Variants in PROSER1 observed in about 807,000 individuals in gnomAD.
The protein encoded by PROSER1 is proline and serine-rich protein 1.
In PROSER1, 36 loss-of-function variants were observed where a neutral mutation model predicts 71.8. The ratio of observed to expected loss-of-function variants is 0.50; its 90% CI spans 0.38 to 0.66. The LOEUF (loss-of-function observed/expected upper bound fraction) is 0.66, where lower values mean the gene tolerates loss of function less well. Ranked by LOEUF, PROSER1 falls within the 30% of genes least tolerant of loss-of-function variation. PROSER1 has a pLI of 0.00. For missense variants in PROSER1, 1,107 were observed against 1,135.0 expected, an observed-to-expected ratio of 0.98 and a Z score of 0.35; for synonymous variants, 490 against 452.4, an observed-to-expected ratio of 1.08 and a Z score of -1.06.
chr13:39,011,951 A>T, intron 12 of PROSER1, 132 bp downstream of exon 12: 7 of 945,436 alleles, frequency 7.4e-6, no homozygotes, highest in South Asian at 5.4e-5. Flanking sequence ...AATCATCATC[A>T]AATCTCTATG....
intron 10 of PROSER1, among the ~76,000 whole-genome samples, chr13:39,016,164 T>TA (rs898806505): frequency 3.3e-5 from 5 of 151,976 alleles, no homozygotes; most frequent in African/African-American, 9.7e-5. Flanking sequence ...CGAACAAAAA[T>TA]AAAAAAAATC....
chr13:39,022,322 T>A lies in PROSER1; in HGVS notation c.730+4A>T, dbSNP rs1870330305. On this transcript the variant is annotated splice_donor_region_variant and intron_variant, in intron 9 of 12. Transcript: ENST00000352251. ...TACTTAAACACCCCCAAATAACATT[T>A]TACCTGTTCCTACAGGATTAGGAGT... is the stretch of plus-strand genomic sequence containing the variant. 6.3e-7 allele frequency: 1 copy of A among 1,591,952 alleles called. No individual in the cohort carries two copies. Among genetic ancestry groups the A allele is most frequent in the Admixed American group, 1.7e-5 (1 of 59,954 alleles).
rs765865963 is a variant in PROSER1, at chr13:39,026,390, G to A, written c.370-3C>T. 1.2e-5 allele frequency: 19 copies of A among 1,594,320 alleles called. No homozygotes were observed. The highest frequency in any genetic ancestry group is 3.4e-5 in the Admixed American group (2 of 58,098). On this transcript the variant is annotated splice_polypyrimidine_tract_variant and splice_region_variant and intron_variant, in intron 5 of 12. Transcript: ENST00000352251. ...GCTTTGCAGCCCCCCTTGAAAGCCTGTAATATAAGAAAGAAGAGGGGTAGG... is the reference window on the plus strand; with the variant it reads ...GCTTTGCAGCCCCCCTTGAAAGCCTATAATATAAGAAAGAAGAGGGGTAGG...
chr13:39,020,279 A>T (rs1870228189), intron 9 of PROSER1, among the ~76,000 whole-genome samples: 1 of 152,146 alleles, frequency 6.6e-6, no homozygotes, highest in African/African-American at 2.4e-5. Context: ...TTGACGTGAT[A>T]TAAAGATATA....
chr13:39,014,236 G>A lies in PROSER1; in HGVS notation c.1016C>T (p.Thr339Ile). ...AACAGGTGCAGTGGGCAATGAAGGG[G>A]TTCTGATAACTGTTGGGTTTGGTAT... The part of the protein sequence containing the change: ...PSIPNPTVIR[T>I]PSLPTAPVTS... The change falls in exon 11 of 13, where the codon ACC (threonine) becomes ATC (isoleucine). Residue 339 changes from threonine to isoleucine, a missense_variant. Physicochemically the swap from Thr to Ile is moderately conservative, Grantham distance 89. Transcript: ENST00000352251. 2 of 1,614,162 alleles carry A rather than the reference G, an allele frequency of 1.2e-6. No homozygotes were observed. The highest frequency in any genetic ancestry group is 1.1e-5 in the South Asian group (1 of 91,080).
chr13:39,023,179 G>T, intron 7 of PROSER1, 49 bp from the exon 8 acceptor site: 1 of 1,396,896 alleles, frequency 7.2e-7, no homozygotes, highest in Non-Finnish European at 1.0e-6. Flanking sequence ...CAAGTAAGCT[G>T]TCTCCTGGCA....
intron 5 of PROSER1, 137 bp from the exon 6 acceptor site, chr13:39,026,524 T>C: frequency 1.9e-6 from 1 of 522,822 alleles, no homozygotes; most frequent in South Asian, 3.1e-5. Context: ...ATTCAGCACT[T>C]ACAGTGGTGA....
Position 39,013,494 on chromosome 13 carries a change from G to A in PROSER1, c.1758C>T (p.His586=). 3.1e-6 allele frequency: 5 copies of A among 1,614,120 alleles called. No individual in the cohort carries two copies. Among genetic ancestry groups the A allele is most frequent in the South Asian group, 1.1e-5 (1 of 91,076 alleles). Residue 586 remains histidine, a synonymous_variant, in exon 11 of 13, where the codon CAC becomes CAT. Transcript: ENST00000352251. The stretch of plus-strand genomic sequence containing the variant: ...AAATATGCAGATCTGAGGTACCTGG[G>A]TGGGGGCCACGCAAAAGGGAGGCTG... ...GSSASLLRGP[H]PGTSDLHISS... is the part of the protein sequence containing the mutation.
rs775921403 is a variant in PROSER1 at position 39,012,765 on chromosome 13, G to A, written c.2487C>T (p.Ser829=). 1.4e-5 allele frequency: 23 copies of A among 1,613,816 alleles called. No homozygotes were observed. The highest frequency in any genetic ancestry group is 1.9e-5 in the Non-Finnish European group (23 of 1,179,888). ...CGAATCCTGGGAGGACTGGAGCTGG[G>A]GATGGGGCTGTGGCAGCCACAGGTA... ...TPLPVAATAP[S]PAPVLPGFAS... is the part of the protein sequence containing the mutation. The change falls in exon 11 of 13, where the codon TCC becomes TCT. Residue 829 remains serine, a synonymous_variant. Transcript: ENST00000352251.
At chr13:39,028,159 G>C in intron 5 of PROSER1, 68 bp downstream of exon 5, 1 of 787,294 alleles carries the variant, frequency 1.3e-6, no homozygotes. Context: ...AAGAAGAAAG[G>C]TGCTTTTTCG....
intron 6 of PROSER1, among the ~76,000 whole-genome samples, chr13:39,025,899 A>G (rs1237316364): frequency 6.6e-6 from 1 of 152,192 alleles, no homozygotes; most frequent in Non-Finnish European, 1.5e-5. Flanking sequence ...TTTTTATAGT[A>G]CTTCTCAGAG....
chr13:39,015,724 A>T (rs370006652), intron 10 of PROSER1, among the ~76,000 whole-genome samples: 1 of 152,204 alleles, frequency 6.6e-6, no homozygotes, highest in Non-Finnish European at 1.5e-5. Context: ...ATTGACAGTC[A>T]TATTTAAGTA....
intron 9 of PROSER1, among the ~76,000 whole-genome samples, chr13:39,019,679 T>G (rs1243448831): frequency 6.6e-6 from 1 of 151,800 alleles, no homozygotes; most frequent in Non-Finnish European, 1.5e-5. Flanking sequence ...GAGAGAACAG[T>G]TGTTAAAAAA....
At chr13:39,022,234 C>T (rs1416766500) in intron 9 of PROSER1, 92 bp downstream of exon 9, 4 of 855,852 alleles carry the variant, frequency 4.7e-6, no homozygotes, top group Non-Finnish European at 8.0e-6. Context: ...TGTGTTCCCT[C>T]TGTTAGAATA....
At chr13:39,025,344 A>G (rs1361842729) in intron 6 of PROSER1, among the ~76,000 whole-genome samples, 2 of 152,094 alleles carry the variant, frequency 1.3e-5, no homozygotes, top group South Asian at 2.1e-4. Context: ...GTGGAAGCCA[A>G]CTCCCAAGAT....
At chr13:39,022,951 A>C in intron 8 of PROSER1, 101 bp downstream of exon 8, 1 of 912,902 alleles carries the variant, frequency 1.1e-6, no homozygotes, top group South Asian at 1.5e-5. Flanking sequence ...GCATTTCATA[A>C]GTGCTACAGA....
intron 2 of PROSER1, among the ~76,000 whole-genome samples, chr13:39,032,818 G>A (rs1870911476): frequency 6.6e-6 from 1 of 151,946 alleles, no homozygotes; most frequent in Admixed American, 6.6e-5. Context: ...ACTTTGTAAT[G>A]ACTTTAGCAA....
rs760589703 is a variant in PROSER1 at position 39,023,079 on chromosome 13, A to G, written c.616T>C (p.Cys206Arg). Residue 206 changes from cysteine to arginine, a missense_variant, in exon 8 of 13, where the codon TGC becomes CGC. Coordinates refer to ENST00000352251, the MANE Select transcript of PROSER1 (RefSeq NM_025138.5). ...GGTGCAATAGTTGCATGTGGTCGGC[A>G]TGGAGGTATCGGATAAGGAACAGGT... ...HKPVPYPIPPCRPHATIAPSA... is the reference protein window; with the variant it reads ...HKPVPYPIPPRRPHATIAPSA... 1 of 1,613,366 alleles carries G rather than the reference A, an allele frequency of 6.2e-7. No individual in the cohort carries two copies. Among genetic ancestry groups the G allele is most frequent in the Non-Finnish European group, 8.5e-7 (1 of 1,179,390 alleles).
At position 39,037,311 on chromosome 13, in the gene PROSER1, C is replaced by T; in HGVS notation, c.-69G>A. 2 of 1,121,028 alleles carry T rather than the reference C, an allele frequency of 1.8e-6. No individual in the cohort carries two copies. The highest frequency in any genetic ancestry group is 2.5e-5 in the South Asian group (2 of 80,086). 69.4% of individuals were successfully genotyped at this position (1,121,028 alleles called of 1,614,324 possible). ...TTAAAAGACGTTCATCCCTGGTCTG[C>T]TCCGCCGATAGTAAAAAATATTTAT... is the stretch of plus-strand genomic sequence containing the variant. On this transcript the variant is annotated 5_prime_UTR_variant, in exon 1 of 13. Coordinates refer to ENST00000352251, the MANE Select transcript of PROSER1 (RefSeq NM_025138.5).
Sources: allele counts gnomAD v4.1 joint callset (sites outside exome capture counted in the v4.1 genomes callset), GRCh38; gene constraint gnomAD v4.1.1; transcripts MANE v1.5; gene names NCBI Gene and HGNC (gene_info 2026-07-23, HGNC 2026-07-21).